Variants in RBFOX1 observed in about 807,000 individuals in gnomAD.
RBFOX1 encodes the protein RNA binding protein fox-1 homolog 1.
In RBFOX1, 8 loss-of-function variants were observed where a neutral mutation model predicts 57.7. The observed-to-expected ratio is 0.14, with a 90% CI of 0.08 to 0.25. RBFOX1 has a LOEUF of 0.25. Ranked by LOEUF, RBFOX1 falls within the 10% of genes least tolerant of loss-of-function variation. The pLI, the probability that RBFOX1 is intolerant of heterozygous loss-of-function variation, is 1.00. For missense variants in RBFOX1, 611 were observed against 548.5 expected, an observed-to-expected ratio of 1.11 and a Z score of -1.14; for synonymous variants, 326 against 222.4, an observed-to-expected ratio of 1.47 and a Z score of -4.15.
intron 4 of RBFOX1, among the ~76,000 whole-genome samples, chr16:7,251,290 A>G (rs1248693907): frequency 2.6e-5 from 4 of 151,618 alleles, no homozygotes; most frequent in Non-Finnish European, 5.9e-5. Flanking sequence ...TGTGTGGCTT[A>G]TTTCACTCAA....
At chr16:6,362,204 A>G (rs1464282867) in intron 2 of RBFOX1, among the ~76,000 whole-genome samples, 2 of 150,432 alleles carry the variant, frequency 1.3e-5, no homozygotes, top group African/African-American at 4.9e-5. Flanking sequence ...AAATTAAATT[A>G]CTAAAATTTG....
At chr16:7,137,594 C>T (rs1031712809) in intron 4 of RBFOX1, among the ~76,000 whole-genome samples, 2 of 152,164 alleles carry the variant, frequency 1.3e-5, no homozygotes, top group African/African-American at 4.8e-5. Context: ...ATTACCCAGT[C>T]TCAGGTATGT....
chr16:7,180,229 T>C (rs2082432032), intron 4 of RBFOX1, among the ~76,000 whole-genome samples: 1 of 152,222 alleles, frequency 6.6e-6, no homozygotes, highest in African/African-American at 2.4e-5. Flanking sequence ...GTATTTCAGA[T>C]AATTTTTAAA....
At chr16:6,385,051 T>A (rs928320042) in intron 2 of RBFOX1, among the ~76,000 whole-genome samples, 2 of 152,166 alleles carry the variant, frequency 1.3e-5, no homozygotes, top group African/African-American at 4.8e-5. Flanking sequence ...CTCCCCTCAT[T>A]AAAGTTTGGT....
chr16:5,942,996 C>A (rs1369060653), intron 4 of RBFOX1, among the ~76,000 whole-genome samples: 1 of 152,190 alleles, frequency 6.6e-6, no homozygotes, highest in African/African-American at 2.4e-5. Context: ...AAGCACCCCC[C>A]AAGGGGTCTG....
intron 4 of RBFOX1, among the ~76,000 whole-genome samples, chr16:7,337,832 G>C (rs986127182): frequency 6.6e-6 from 1 of 152,024 alleles, no homozygotes; most frequent in African/African-American, 2.4e-5. Flanking sequence ...TTACAGGCAC[G>C]TGCCACCACA....
intron 3 of RBFOX1, among the ~76,000 whole-genome samples, chr16:7,015,696 C>G (rs1174027903): frequency 6.6e-6 from 1 of 152,014 alleles, no homozygotes; most frequent in East Asian, 1.9e-4. Context: ...GACTAGCGGT[C>G]TAGTTATTCA....
chr16:6,828,755 C>T (rs2092441541), intron 3 of RBFOX1, among the ~76,000 whole-genome samples: 1 of 151,988 alleles, frequency 6.6e-6, no homozygotes, highest in South Asian at 2.1e-4. Flanking sequence ...TCACGAGGTC[C>T]TAGGTGACCA....
At chr16:5,480,496 G>A (rs931038077) in intron 2 of RBFOX1, among the ~76,000 whole-genome samples, 7 of 152,122 alleles carry the variant, frequency 4.6e-5, no homozygotes, top group African/African-American at 1.7e-4. Flanking sequence ...CCCTGCTGCC[G>A]CTGAAAATGC....
At chr16:6,472,467 T>C (rs1468677590) in intron 2 of RBFOX1, among the ~76,000 whole-genome samples, 1 of 152,142 alleles carries the variant, frequency 6.6e-6, no homozygotes, top group African/African-American at 2.4e-5. Context: ...GTCATTGCTA[T>C]TGGGGGTCTT....
intron 3 of RBFOX1, among the ~76,000 whole-genome samples, chr16:6,859,164 CGTATATATAT>C (rs1359895580): frequency 1.5e-4 from 12 of 81,108 alleles, no homozygotes; most frequent in African/African-American, 5.8e-4. Context: ...TATATATATA[CGTATATATAT>C]GTATATATAT....
At chr16:7,118,253 T>C (rs1293564812) in intron 4 of RBFOX1, among the ~76,000 whole-genome samples, 1 of 152,178 alleles carries the variant, frequency 6.6e-6, no homozygotes, top group Admixed American at 6.5e-5. Flanking sequence ...TAACATCTAT[T>C]GTTGTTTCAC....
At chr16:7,076,148 TC>T (rs2058259531) in intron 4 of RBFOX1, among the ~76,000 whole-genome samples, 1 of 151,908 alleles carries the variant, frequency 6.6e-6, no homozygotes, top group African/African-American at 2.4e-5. Context: ...TTCAAGTGAT[TC>T]CCCTGCCTCA....
chr16:5,729,396 C>CTTTTTTTTTTTTTTTTT (rs71142649), intron 3 of RBFOX1, among the ~76,000 whole-genome samples: 6 of 111,412 alleles, frequency 5.4e-5, no homozygotes, highest in Non-Finnish European at 1.1e-4. Flanking sequence ...TTTTTCTTTT[C>CTTTTTTTTTTTTTTTTT]TTTTTTTTTT....
chr16:6,098,061 A>C (rs2096265760), intron 1 of RBFOX1, among the ~76,000 whole-genome samples: 1 of 152,156 alleles, frequency 6.6e-6, no homozygotes, highest in African/African-American at 2.4e-5. Flanking sequence ...GCTATTTTTC[A>C]AAGGCAAGAG....
chr16:5,569,235 C>T (rs1596308871), intron 2 of RBFOX1, among the ~76,000 whole-genome samples: 1 of 151,846 alleles, frequency 6.6e-6, no homozygotes, highest in Non-Finnish European at 1.5e-5. Context: ...AAAATGTCTC[C>T]AAGGGACTGA....
At position 7,584,935 on chromosome 16, in the gene RBFOX1, C is replaced by G. The variant is rs561384714; in HGVS notation, c.415-2312C>G. Among the ~76,000 whole-genome samples, 5 of 152,280 alleles carry G rather than the reference C, an allele frequency of 3.3e-5. No individual in the cohort carries two copies. The South Asian group carries it at 1.0e-3, about 32-fold the overall frequency. The stretch of plus-strand genomic sequence containing the variant: ...TTCAGGGCAGCTGATGTCATTGTTT[C>G]ATTTAGGGAATGACACCTGCCAAGA... On this transcript the variant is annotated intron_variant, in intron 6 of 15. Coordinates refer to ENST00000550418, the MANE Select transcript of RBFOX1 (RefSeq NM_018723.4).
At chr16:5,289,742 C>A (rs2063488337) in intron 1 of RBFOX1, among the ~76,000 whole-genome samples, 1 of 152,164 alleles carries the variant, frequency 6.6e-6, no homozygotes, top group Non-Finnish European at 1.5e-5. Flanking sequence ...AAGCAAAGGG[C>A]ATAAAGAGAA....
intron 4 of RBFOX1, among the ~76,000 whole-genome samples, chr16:7,089,828 A>G (rs938101972): frequency 6.6e-6 from 1 of 152,146 alleles, no homozygotes; most frequent in African/African-American, 2.4e-5. Context: ...AACTGCATTT[A>G]TCACATTGAA....
Sources: gnomAD v4.1 joint callset for allele counts (sites outside exome capture counted in the v4.1 genomes callset) on GRCh38, gnomAD v4.1.1 for gene constraint, MANE v1.5 for transcripts, NCBI Gene and HGNC (gene_info 2026-07-23, HGNC 2026-07-21) for gene names.